Variants in VPS13A observed in about 807,000 individuals in gnomAD.
VPS13A encodes the protein vacuolar protein sorting 13 homolog A.
A neutral mutation model predicts 390.9 loss-of-function variants in VPS13A; 264 were observed. That is an observed-to-expected ratio of 0.68 (90% CI 0.61 to 0.75). The LOEUF (loss-of-function observed/expected upper bound fraction) is 0.75, where lower values mean the gene tolerates loss of function less well. Ranked by LOEUF, VPS13A falls within the 30% of genes least tolerant of loss-of-function variation. The pLI, the probability that VPS13A is intolerant of heterozygous loss-of-function variation, is 0.00. For missense variants in VPS13A, 3,409 were observed against 3,733.9 expected (o/e 0.91, Z 2.27); for synonymous variants, 1,231 against 1,227.1 (o/e 1.00, Z -0.07).
At chr9:77,200,632 C>T (rs950611199) in intron 2 of VPS13A, among the ~76,000 whole-genome samples, 6 of 152,112 alleles carry the variant, frequency 3.9e-5, no homozygotes, top group African/African-American at 1.4e-4. Flanking sequence ...TCATAGCTTA[C>T]TGTAGGCCTC....
chr9:77,322,892 T>G (rs1829824996), intron 44 of VPS13A, among the ~76,000 whole-genome samples, 175 bp from the exon 45 acceptor site: 1 of 152,078 alleles, frequency 6.6e-6, no homozygotes, highest in South Asian at 2.1e-4. Context: ...TAATTAATGC[T>G]GTGGAAATAT....
chr9:77,226,878 C>T (rs1180540706), intron 15 of VPS13A, among the ~76,000 whole-genome samples: 1 of 151,980 alleles, frequency 6.6e-6, no homozygotes, highest in Non-Finnish European at 1.5e-5. Flanking sequence ...CCAAAGTGTT[C>T]TCCATTGTAA....
rs942765223 is a variant in VPS13A at position 77,357,002 on chromosome 9, T to C, written c.7806+135T>C. On this transcript the variant is annotated intron_variant, in intron 55 of 71. Coordinates refer to ENST00000360280, the MANE Select transcript of VPS13A (RefSeq NM_033305.3). ...CCTGTCATACATACCTTGTATAAAA[T>C]GTTTTAAAGAGGTGTTTATCTATAT... 27 of 1,012,098 alleles carry C rather than the reference T, an allele frequency of 2.7e-5. No homozygotes were observed. In the Admixed American group the frequency reaches 5.1e-4, roughly 19 times the overall value. 62.7% of individuals were successfully genotyped at this position (1,012,098 alleles called of 1,614,324 possible).
In VPS13A at chr9:77,404,982, A is replaced by G. The variant is rs116385397; in HGVS notation, c.9276-882A>G. Among the ~76,000 whole-genome samples, 1,285 of 151,402 alleles carry G rather than the reference A, an allele frequency of 8.5e-3. 22 individuals carry two copies. Among genetic ancestry groups the G allele is most frequent in the African/African-American group, 0.03 (1,235 of 40,910 alleles). On this transcript the variant is annotated intron_variant, in intron 69 of 71. Transcript: ENST00000360280. Reference sequence around the variant, plus strand: ...TCTCTCCTTTTCCATCCTAGCCAGGAGTCAGACCTTTTTTTTTTTAACTCA... The same window carrying G: ...TCTCTCCTTTTCCATCCTAGCCAGGGGTCAGACCTTTTTTTTTTTAACTCA...
intron 17 of VPS13A, among the ~76,000 whole-genome samples, chr9:77,228,769 A>G (rs12343878): frequency 0.1 from 15,582 of 152,230 alleles, 828 homozygotes; most frequent in Middle Eastern, 0.13. Flanking sequence ...AATTGGACCA[A>G]CAGCTCCACA....
chr9:77,274,199 G>A (rs1826506166), intron 24 of VPS13A, among the ~76,000 whole-genome samples: 1 of 152,072 alleles, frequency 6.6e-6, no homozygotes, highest in South Asian at 2.1e-4. Flanking sequence ...GGAGGCCAAG[G>A]CGGGCGGATC....
At chr9:77,407,700 G>A in intron 71 of VPS13A, 93 bp downstream of exon 71, 1 of 1,031,062 alleles carries the variant, frequency 9.7e-7, no homozygotes, top group Non-Finnish European at 1.5e-6. Flanking sequence ...TTTTGTTTGG[G>A]GGTTTTTGTT....
chr9:77,286,243 C>T (rs1827314032), intron 31 of VPS13A, among the ~76,000 whole-genome samples: 1 of 152,082 alleles, frequency 6.6e-6, no homozygotes, highest in Non-Finnish European at 1.5e-5. Context: ...GCCAAAATAG[C>T]CACTTTCTAG....
chr9:77,345,172 G>T (rs1418003654), intron 52 of VPS13A, 30 bp downstream of exon 52: 2 of 1,609,192 alleles, frequency 1.2e-6, no homozygotes, highest in South Asian at 2.2e-5. Context: ...AGTAACTCTT[G>T]ATGGTGTAAG....
In VPS13A at chr9:77,213,216, A is replaced by G. The variant is rs765321686; in HGVS notation, c.616-18A>G. 1 of 1,608,606 alleles carries G rather than the reference A, an allele frequency of 6.2e-7. No individual in the cohort carries two copies. Among genetic ancestry groups the G allele is most frequent in the Admixed American group, 1.7e-5 (1 of 59,966 alleles). On this transcript the variant is annotated intron_variant, in intron 8 of 71. Coordinates refer to ENST00000360280, the MANE Select transcript of VPS13A (RefSeq NM_033305.3). Reference sequence around the variant, plus strand: ...ATTCTTCAAAGAAAATGAGACATCTAATAAATTTTATTTTCAGTTAATCCG... The same window carrying G: ...ATTCTTCAAAGAAAATGAGACATCTGATAAATTTTATTTTCAGTTAATCCG...
At chr9:77,399,589 T>C (rs1834284012) in intron 68 of VPS13A, among the ~76,000 whole-genome samples, 1 of 152,232 alleles carries the variant, frequency 6.6e-6, no homozygotes, top group Non-Finnish European at 1.5e-5. Context: ...AGCAGTGGCA[T>C]TCTTGAGATC....
Position 77,337,482 on chromosome 9 carries a change from G to A in VPS13A, c.6323G>A (p.Trp2108Ter). The A allele has an allele frequency of 6.2e-7, 1 of 1,613,494 alleles. No individual in the cohort carries two copies. Among genetic ancestry groups the A allele is most frequent in the Non-Finnish European group, 8.5e-7 (1 of 1,179,768 alleles). ...GATTTACCATACATAATGCATTTGT[G>A]GCCACCTATCCTGCTCCGAAATCTT... Reference protein sequence around the residue: ...GWDLPYIMHLWPPILLRNLLP... With the variant: ...GWDLPYIMHL The change falls in exon 47 of 72, where the codon TGG (tryptophan) becomes TAG (stop). Residue 2108 changes from tryptophan to a stop codon, truncating the protein, a stop_gained. Coordinates refer to ENST00000360280, the MANE Select transcript of VPS13A (RefSeq NM_033305.3). LOFTEE classifies it high-confidence loss of function.
In VPS13A at chr9:77,283,401, A is replaced by C; in HGVS notation, c.3165A>C (p.Leu1055Phe). Residue 1055 changes from leucine to phenylalanine, a missense_variant, in exon 30 of 72, where the codon TTA becomes TTC. Physicochemically the swap from Leu to Phe is conservative, Grantham distance 22 (BLOSUM62 0). Coordinates refer to ENST00000360280, the MANE Select transcript of VPS13A (RefSeq NM_033305.3). ...AAGATATCATTACTTTGCAGATTTT[A>C]GCAGAATTATCGTGTTTACAGATCT... is the stretch of plus-strand genomic sequence containing the variant. ...TNEDIITLQI[L>F]AELSCLQIFI... 1 of 1,608,380 alleles carries C rather than the reference A, an allele frequency of 6.2e-7. No homozygotes were observed. The highest frequency in any genetic ancestry group is 8.5e-7 in the Non-Finnish European group (1 of 1,175,516).
chr9:77,179,570 A>G (rs1417742616), intron 1 of VPS13A, among the ~76,000 whole-genome samples: 1 of 151,982 alleles, frequency 6.6e-6, no homozygotes, highest in Admixed American at 6.5e-5. Context: ...AGAATATTTC[A>G]GTTTTTGGAG....
intron 37 of VPS13A, 108 bp downstream of exon 37, chr9:77,314,772 C>T (rs1829290956): frequency 6.5e-6 from 7 of 1,073,040 alleles, no homozygotes; most frequent in Non-Finnish European, 8.4e-6. Context: ...ATCCTAGGTT[C>T]TTTAAAGCTT....
At chr9:77,321,043 C>T (rs1204102270) in intron 42 of VPS13A, 126 bp from the exon 43 acceptor site, 1 of 840,540 alleles carries the variant, frequency 1.2e-6, no homozygotes, top group Non-Finnish European at 1.9e-6. Context: ...TTCAATAAGG[C>T]AATAGAACTT....
At chr9:77,351,080 G>C (rs145607655) in intron 52 of VPS13A, 1 of 405,936 alleles carries the variant, frequency 2.5e-6, no homozygotes, top group East Asian at 5.7e-5. Flanking sequence ...CAGTTTTAAA[G>C]ACTTGAAGAC....
At chr9:77,207,245 A>ACG (rs1564630426) in intron 5 of VPS13A, among the ~76,000 whole-genome samples, 31 of 112,862 alleles carry the variant, frequency 2.7e-4, no homozygotes, top group Admixed American at 4.8e-4. Flanking sequence ...ATATATATAT[A>ACG]TATATATAAA....
chr9:77,252,369 T>G lies in VPS13A; in HGVS notation c.2288+17T>G, dbSNP rs1368049489. The G allele has an allele frequency of 1.3e-6, 2 of 1,583,386 alleles. No individual in the cohort carries two copies. The stretch of plus-strand genomic sequence containing the variant: ...GATGCCCAAGTATGTACTGTTTGTT[T>G]CATGTGAATATGGATTTTCTGGGTA... On this transcript the variant is annotated intron_variant, in intron 22 of 71. Coordinates refer to ENST00000360280, the MANE Select transcript of VPS13A (RefSeq NM_033305.3).
Sources: gnomAD v4.1 joint callset for allele counts (sites outside exome capture counted in the v4.1 genomes callset) on GRCh38, gnomAD v4.1.1 for gene constraint, MANE v1.5 for transcripts, NCBI Gene and HGNC (gene_info 2026-07-23, HGNC 2026-07-21) for gene names.